CRYBG3: variants seen among roughly 807,000 people sequenced by gnomAD.
CRYBG3 encodes crystallin beta-gamma domain containing 3, also known as very large A-kinase anchor protein.
In CRYBG3, 127 loss-of-function variants were observed where a neutral mutation model predicts 244.2. The observed-to-expected ratio is 0.52, with a 90% CI of 0.45 to 0.60. The LOEUF (loss-of-function observed/expected upper bound fraction) is 0.60. Among genes scored for constraint, CRYBG3 ranks in the 20% least tolerant of loss-of-function variants. CRYBG3 has a pLI of 0.00. For missense variants in CRYBG3, 3,325 were observed against 3,442.5 expected, an observed-to-expected ratio of 0.97 and a Z score of 0.85; for synonymous variants, 1,132 against 1,195.8, an observed-to-expected ratio of 0.95 and a Z score of 1.10.
At chr3:97,934,328 A>G (rs2040135253) in intron 18 of CRYBG3, among the ~76,000 whole-genome samples, 1 of 152,076 alleles carries the variant, frequency 6.6e-6, no homozygotes, top group Non-Finnish European at 1.5e-5. Context: ...TGATAGAAAT[A>G]TTAGATATCA....
At chr3:97,830,259 A>C (rs1165070431) in intron 1 of CRYBG3, among the ~76,000 whole-genome samples, 1 of 152,186 alleles carries the variant, frequency 6.6e-6, no homozygotes, top group African/African-American at 2.4e-5. Flanking sequence ...TAGGATGCAC[A>C]AATACATTTA....
intron 1 of CRYBG3, among the ~76,000 whole-genome samples, chr3:97,838,405 A>C (rs2038765339): frequency 6.6e-6 from 1 of 152,140 alleles, no homozygotes; most frequent in Non-Finnish European, 1.5e-5. Context: ...TTGTTTATCA[A>C]GAATGGGGTC....
intron 15 of CRYBG3, among the ~76,000 whole-genome samples, chr3:97,909,111 A>G (rs1421873750): frequency 1.3e-5 from 2 of 152,150 alleles, no homozygotes; most frequent in African/African-American, 4.8e-5. Flanking sequence ...TTCTGCCGAG[A>G]GATCCTCTGT....
In CRYBG3 at chr3:97,933,714, C is replaced by T; in HGVS notation, c.8262C>T (p.Ile2754=). 6.2e-7 allele frequency: 1 copy of T among 1,613,048 alleles called. No homozygotes were observed. Among genetic ancestry groups the T allele is most frequent in the African/African-American group, 1.3e-5 (1 of 74,962 alleles). Residue 2754 remains isoleucine (I), a synonymous_variant, in exon 18 of 22, where the codon ATC becomes ATT. Coordinates refer to ENST00000389622, the MANE Select transcript of CRYBG3 (RefSeq NM_153605.4). ...AATAGGTTTTTGAAGAACCCTCCAT[C>T]AGCCTTTTTGCTCTGGAGCATTGTG... ...PIDYVFEEPS[I]SLFALEHCEG... is the part of the protein sequence containing the mutation.
intron 10 of CRYBG3, 115 bp from the exon 11 acceptor site, chr3:97,892,745 C>A: frequency 1.8e-6 from 1 of 549,708 alleles, no homozygotes. Context: ...TTGAAATCTC[C>A]TCATATTAAT....
intron 5 of CRYBG3, 45 bp from the exon 6 acceptor site, chr3:97,879,940 A>T (rs776591837): frequency 4.6e-6 from 5 of 1,080,158 alleles, no homozygotes; most frequent in Non-Finnish European, 7.0e-6. Flanking sequence ...ATACATTCTA[A>T]AAATTAGTTA....
chr3:97,881,509 A>G (rs202147982), intron 7 of CRYBG3, among the ~76,000 whole-genome samples: 1 of 151,966 alleles, frequency 6.6e-6, no homozygotes, highest in East Asian at 1.9e-4. Context: ...TAAGATTGGG[A>G]GTTCGAGACC....
intron 2 of CRYBG3, among the ~76,000 whole-genome samples, chr3:97,851,273 G>A (rs1396129739): frequency 6.6e-6 from 1 of 152,106 alleles, no homozygotes; most frequent in African/African-American, 2.4e-5. Flanking sequence ...AAATTTCCAA[G>A]TAATACGCGG....
rs2038509445 is a variant in CRYBG3 at position 97,822,186 on chromosome 3, G to A, written c.-21G>A. ...AGGCCGTTCCCTTCAGACAGCCCCG[G>A]GCCAGCGGCCCCCTCGGGAAATGTC... On this transcript the variant is annotated 5_prime_UTR_variant, in exon 1 of 22. Transcript: ENST00000389622. The A allele has an allele frequency of 6.6e-7, 1 of 1,506,134 alleles. No homozygotes were observed. Among genetic ancestry groups the A allele is most frequent in the Non-Finnish European group, 8.8e-7 (1 of 1,132,508 alleles). The allele number at this position is 1,506,134 out of a possible 1,614,324, so 93.3% of individuals were successfully genotyped here.
chr3:97,903,629 T>A (rs1437405597), intron 15 of CRYBG3, among the ~76,000 whole-genome samples: 1 of 152,158 alleles, frequency 6.6e-6, no homozygotes, highest in African/African-American at 2.4e-5. Flanking sequence ...TAACTAAAAT[T>A]ACATTAAAAA....
In CRYBG3 at chr3:97,888,474, A is replaced by C. The variant is rs771410380; in HGVS notation, c.7404+19A>C. The C allele has an allele frequency of 1.4e-5, 21 of 1,489,408 alleles. No homozygotes were observed. The highest frequency in any genetic ancestry group is 8.4e-6 in the Non-Finnish European group (9 of 1,067,734). 92.3% of individuals were successfully genotyped at this position (1,489,408 alleles called of 1,614,324 possible). Reference sequence around the variant, plus strand: ...TCAAATGGTAAGCAAATTTAAAAAGAAGCATTCCTTTTCCCAAGTACCCAT... The same window carrying C: ...TCAAATGGTAAGCAAATTTAAAAAGCAGCATTCCTTTTCCCAAGTACCCAT... On this transcript the variant is annotated intron_variant, in intron 9 of 21. Transcript: ENST00000389622.
intron 1 of CRYBG3, among the ~76,000 whole-genome samples, chr3:97,826,857 T>C (rs1003606020): frequency 3.3e-5 from 5 of 152,358 alleles, no homozygotes; most frequent in African/African-American, 1.2e-4. Flanking sequence ...AAACCAAACA[T>C]GTCTTTGGAG....
intron 1 of CRYBG3, among the ~76,000 whole-genome samples, chr3:97,830,523 TTAGA>T (rs1437415783): frequency 6.6e-6 from 1 of 152,164 alleles, no homozygotes; most frequent in East Asian, 1.9e-4. Flanking sequence ...AGGGTACATG[TTAGA>T]TATTTTTTTT....
chr3:97,865,192 C>T (rs1033202503), intron 3 of CRYBG3, among the ~76,000 whole-genome samples: 1 of 152,116 alleles, frequency 6.6e-6, no homozygotes, highest in Non-Finnish European at 1.5e-5. Context: ...TTTCCTTTTA[C>T]TCTCAAATGA....
In CRYBG3 at chr3:97,886,712, A is replaced by G; in HGVS notation, c.7234A>G (p.Asn2412Asp). The G allele has an allele frequency of 6.2e-7, 1 of 1,612,556 alleles. No homozygotes were observed. Among genetic ancestry groups the G allele is most frequent in the Non-Finnish European group, 8.5e-7 (1 of 1,179,306 alleles). ...CPVYIQRAVPNLEELNISKSV... is the reference protein window; with the variant it reads ...CPVYIQRAVPDLEELNISKSV... ...TGTCTACATACAGAGAGCAGTCCCC[A>G]ATTTGGAAGAACTGAATATCTCCAA... Residue 2412 changes from asparagine to aspartate, a missense_variant, in exon 8 of 22, where the codon AAT becomes GAT. By Grantham distance (23) the Asn-to-Asp change is conservative (BLOSUM62 1). Coordinates refer to ENST00000389622, the MANE Select transcript of CRYBG3 (RefSeq NM_153605.4).
rs150876199 is a variant in CRYBG3 at position 97,873,164 on chromosome 3, C to T, written c.1970C>T (p.Pro657Leu). The T allele has an allele frequency of 4.2e-5, 65 of 1,535,828 alleles. No homozygotes were observed. The East Asian group carries it at 1.4e-3, about 33-fold the overall frequency. Residue 657 changes from proline (P) to leucine (L), a missense_variant, in exon 4 of 22, where the codon CCT becomes CTT. By Grantham distance (98) the Pro-to-Leu change is moderately conservative. Transcript: ENST00000389622. ...CKKLNFSISP[P>L]TFVSGVGMLS... is the part of the protein sequence containing the mutation. ...AAACTAAATTTCAGTATTTCACCTC[C>T]TACCTTTGTTTCTGGAGTTGGGATG...
intron 2 of CRYBG3, among the ~76,000 whole-genome samples, chr3:97,847,214 G>A (rs2038917116): frequency 1.3e-5 from 2 of 151,960 alleles, no homozygotes; most frequent in South Asian, 4.2e-4. Context: ...TCAGTGTGAG[G>A]GTACAAACAT....
intron 1 of CRYBG3, among the ~76,000 whole-genome samples, chr3:97,834,052 TCCTAAGGGATTCA>T (rs2038694331): frequency 6.6e-6 from 1 of 152,030 alleles, no homozygotes; most frequent in Non-Finnish European, 1.5e-5. Flanking sequence ...ATTAATCTAT[TCCTAAGGGATTCA>T]CCCCCATGAC....
chr3:97,865,673 G>A (rs2039221028), intron 3 of CRYBG3, among the ~76,000 whole-genome samples: 1 of 152,146 alleles, frequency 6.6e-6, no homozygotes, highest in Non-Finnish European at 1.5e-5. Flanking sequence ...AGAGTAGGCA[G>A]CCTAGAAATA....
Sources: allele counts gnomAD v4.1 joint callset (sites outside exome capture counted in the v4.1 genomes callset), GRCh38; gene constraint gnomAD v4.1.1; transcripts MANE v1.5; gene names NCBI Gene and HGNC (gene_info 2026-07-23, HGNC 2026-07-21).